ME3: variants seen among roughly 807,000 people sequenced by gnomAD.
ME3 encodes NADP-dependent malic enzyme, mitochondrial.
ME3 carries 48 observed loss-of-function variants against 68.9 expected under a neutral mutation model. The ratio of observed to expected loss-of-function variants is 0.70; its 90% CI spans 0.55 to 0.89. The LOEUF (loss-of-function observed/expected upper bound fraction) is 0.89. Among genes scored for constraint, ME3 ranks in the 40% least tolerant of loss-of-function variants. The pLI, the probability that ME3 is intolerant of heterozygous loss-of-function variation, is 0.00. For missense variants in ME3, 675 were observed against 797.4 expected (o/e 0.85, Z 1.85); for synonymous variants, 320 against 318.8 (o/e 1.00, Z -0.04).
chr11:86,600,215 G>A (rs911604869), intron 2 of ME3, among the ~76,000 whole-genome samples: 5 of 151,992 alleles, frequency 3.3e-5, no homozygotes, highest in South Asian at 4.1e-4. Context: ...CCCATCTCAC[G>A]TGCAGAGACA....
At chr11:86,478,502 A>G (rs1951212075) in intron 7 of ME3, among the ~76,000 whole-genome samples, 1 of 152,166 alleles carries the variant, frequency 6.6e-6, no homozygotes, top group Admixed American at 6.5e-5. Flanking sequence ...TAGGGAAGGC[A>G]GAATTTGAAT....
chr11:86,577,667 C>A (rs994316812), intron 2 of ME3, among the ~76,000 whole-genome samples: 2 of 152,166 alleles, frequency 1.3e-5, no homozygotes, highest in Admixed American at 1.3e-4. Context: ...TTTTTATATT[C>A]TATGTTATTA....
At chr11:86,596,966 G>A (rs1594595749) in intron 2 of ME3, among the ~76,000 whole-genome samples, 1 of 152,222 alleles carries the variant, frequency 6.6e-6, no homozygotes, top group East Asian at 1.9e-4. Flanking sequence ...GCAGGTCATA[G>A]AGGGAAGCCT....
intron 2 of ME3, among the ~76,000 whole-genome samples, chr11:86,650,533 G>C (rs1945333713): frequency 6.6e-6 from 1 of 152,134 alleles, no homozygotes; most frequent in Non-Finnish European, 1.5e-5. Flanking sequence ...CCTACAGAAT[G>C]GGAGAAAATT....
At position 86,545,597 on chromosome 11, in the gene ME3, C is replaced by T. The variant is rs12277137; in HGVS notation, c.467+10956G>A. ...AAAGAGAATAAAATACCTAGAAATA[C>T]GACTTACAAGGGATGTGAAGGACCC... On this transcript the variant is annotated intron_variant, in intron 4 of 14. Transcript: ENST00000543262. 9.1e-3 allele frequency among the ~76,000 whole-genome samples: 1,378 copies of T among 152,160 alleles called. 25 individuals are homozygous for T. The highest frequency in any genetic ancestry group is 0.031 in the African/African-American group (1,282 of 41,504).
At chr11:86,537,150 G>T (rs1955731219) in intron 4 of ME3, among the ~76,000 whole-genome samples, 1 of 149,168 alleles carries the variant, frequency 6.7e-6, no homozygotes, top group Admixed American at 6.7e-5. Flanking sequence ...GTGGGGGGAT[G>T]GGGGAGGGAT....
At chr11:86,466,531 G>T (rs1950489616) in intron 7 of ME3, among the ~76,000 whole-genome samples, 1 of 152,110 alleles carries the variant, frequency 6.6e-6, no homozygotes, top group Non-Finnish European at 1.5e-5. Context: ...GAAGGTGGGT[G>T]GGGCACATGC....
chr11:86,525,695 C>A (rs959329687), intron 4 of ME3, among the ~76,000 whole-genome samples: 2 of 152,012 alleles, frequency 1.3e-5, no homozygotes, highest in African/African-American at 2.4e-5. Flanking sequence ...AACCCCATCT[C>A]TACTAAAATA....
intron 2 of ME3, among the ~76,000 whole-genome samples, chr11:86,581,022 A>G (rs1958412731): frequency 6.6e-6 from 1 of 152,326 alleles, no homozygotes; most frequent in South Asian, 2.1e-4. Context: ...CAGGAATGAC[A>G]AAGTCTGGGA....
At chr11:86,511,229 C>T (rs1222780098) in intron 4 of ME3, among the ~76,000 whole-genome samples, 2 of 152,182 alleles carry the variant, frequency 1.3e-5, no homozygotes, top group Admixed American at 1.3e-4. Flanking sequence ...AAATCAATGA[C>T]TCATTGTTTT....
intron 4 of ME3, among the ~76,000 whole-genome samples, chr11:86,509,398 T>TCACACACACACA (rs3045014): frequency 1.5e-3 from 222 of 144,662 alleles, no homozygotes; most frequent in African/African-American, 5.2e-3. Flanking sequence ...TACTCCATCA[T>TCACACACACACA]CACACACACA....
At chr11:86,452,907 C>A (rs978657136) in intron 8 of ME3, among the ~76,000 whole-genome samples, 9 of 152,112 alleles carry the variant, frequency 5.9e-5, no homozygotes, top group Non-Finnish European at 1.5e-5. Flanking sequence ...ATTGTCTATC[C>A]CCATGTTGGA....
At chr11:86,624,544 G>T (rs1333745702) in intron 2 of ME3, among the ~76,000 whole-genome samples, 1 of 152,162 alleles carries the variant, frequency 6.6e-6, no homozygotes, top group African/African-American at 2.4e-5. Flanking sequence ...TTCTGGAGTG[G>T]CTACTAATTA....
intron 4 of ME3, among the ~76,000 whole-genome samples, chr11:86,523,284 G>A (rs956338422): frequency 1.3e-5 from 2 of 152,212 alleles, no homozygotes; most frequent in African/African-American, 4.8e-5. Context: ...GGAGGTATAT[G>A]TTGTTGTCCT....
At chr11:86,445,866 C>G (rs1007930640) in intron 13 of ME3, among the ~76,000 whole-genome samples, 2 of 152,126 alleles carry the variant, frequency 1.3e-5, no homozygotes, top group Non-Finnish European at 1.5e-5. Context: ...CACCCACCCC[C>G]TCCCTTACAG....
intron 6 of ME3, among the ~76,000 whole-genome samples, chr11:86,489,884 A>C (rs1475932423): frequency 6.6e-6 from 1 of 152,040 alleles, no homozygotes; most frequent in East Asian, 1.9e-4. Context: ...AGGACCCGAG[A>C]GGTAGGTCTC....
intron 2 of ME3, among the ~76,000 whole-genome samples, chr11:86,596,465 C>G (rs2139695125): frequency 6.6e-6 from 1 of 152,292 alleles, no homozygotes; most frequent in African/African-American, 2.4e-5. Flanking sequence ...CAGTGAAGCC[C>G]AGGAAAATGT....
In ME3 at chr11:86,586,719, T is replaced by A. The variant is rs114680585; in HGVS notation, c.184-26896A>T. ...TTTTGTTGTGGTGGTAGCTGTTTTT[T>A]TAAATAAAAGGATGGGGGAAAACAG... On this transcript the variant is annotated intron_variant, in intron 2 of 14. Transcript: ENST00000543262. Among the ~76,000 whole-genome samples the A allele has an allele frequency of 1.9e-3, 282 of 152,274 alleles. 1 individual carries two copies. Among genetic ancestry groups the A allele is most frequent in the Middle Eastern group, 6.8e-3 (2 of 294 alleles).
intron 2 of ME3, among the ~76,000 whole-genome samples, chr11:86,640,156 C>A (rs1944577644): frequency 6.6e-6 from 1 of 152,164 alleles, no homozygotes; most frequent in African/African-American, 2.4e-5. Context: ...GCGGAGACAA[C>A]AAAAATAAGA....
Sources: allele counts gnomAD v4.1 joint callset (sites outside exome capture counted in the v4.1 genomes callset), GRCh38; gene constraint gnomAD v4.1.1; transcripts MANE v1.5; gene names NCBI Gene and HGNC (gene_info 2026-07-23, HGNC 2026-07-21).